ADGRL2: variants seen among roughly 807,000 people sequenced by gnomAD.
ADGRL2 encodes adhesion G protein-coupled receptor L2.
A neutral mutation model predicts 157.4 loss-of-function variants in ADGRL2; 44 were observed. The observed-to-expected ratio is 0.28, with a 90% CI of 0.22 to 0.36. The LOEUF (loss-of-function observed/expected upper bound fraction) is 0.36. ADGRL2 is among the 10% of genes least tolerant of loss of function. The pLI, the probability that ADGRL2 is intolerant of heterozygous loss-of-function variation, is 1.00. For synonymous variants in ADGRL2, 585 were observed against 624.7 expected, an observed-to-expected ratio of 0.94 and a Z score of 0.95; for missense variants, 1,510 against 1,768.9, an observed-to-expected ratio of 0.85 and a Z score of 2.63.
intron 1 of ADGRL2, among the ~76,000 whole-genome samples, chr1:81,313,898 A>C (rs189051867): frequency 6.6e-6 from 1 of 152,178 alleles, no homozygotes; most frequent in African/African-American, 2.4e-5. Context: ...CTCCCAAAAC[A>C]TCTAGTATTG....
chr1:81,541,442 A>G (rs2079881443), intron 2 of ADGRL2, among the ~76,000 whole-genome samples: 1 of 152,140 alleles, frequency 6.6e-6, no homozygotes, highest in Admixed American at 6.5e-5. Context: ...GTATGATAAG[A>G]TCTCACTCAC....
chr1:81,449,087 T>C (rs969218829), intron 2 of ADGRL2, among the ~76,000 whole-genome samples: 164 of 152,304 alleles, frequency 1.1e-3, no homozygotes, highest in African/African-American at 3.8e-3. Flanking sequence ...AAGATGTGGT[T>C]TGAATAATGA....
intron 3 of ADGRL2, among the ~76,000 whole-genome samples, chr1:81,619,248 G>A (rs2081734980): frequency 6.6e-6 from 1 of 151,076 alleles, no homozygotes; most frequent in Non-Finnish European, 1.5e-5. Flanking sequence ...TTTATGGGTG[G>A]AACACCAAAG....
chr1:81,800,423 A>C (rs915207098), upstream of ADGRL2: 2 of 152,020 alleles, frequency 1.3e-5, no homozygotes, highest in East Asian at 1.9e-4. Context: ...TTTCTCCTCC[A>C]TGCAGTTACA....
intron 3 of ADGRL2, among the ~76,000 whole-genome samples, chr1:81,592,600 G>A (rs1443429549): frequency 6.6e-6 from 1 of 152,158 alleles, no homozygotes; most frequent in Admixed American, 6.6e-5. Context: ...ACTAAGAGAA[G>A]GATTCTTATA....
At chr1:81,490,289 G>A (rs901928817) in intron 2 of ADGRL2, among the ~76,000 whole-genome samples, 7 of 152,072 alleles carry the variant, frequency 4.6e-5, no homozygotes, top group African/African-American at 9.7e-5. Flanking sequence ...GCGCCATGAT[G>A]TCTGGCTACT....
chr1:81,434,386 T>G (rs1211093020), intron 1 of ADGRL2, among the ~76,000 whole-genome samples: 2 of 152,186 alleles, frequency 1.3e-5, no homozygotes, highest in Non-Finnish European at 2.9e-5. Context: ...CATCCAACTT[T>G]GCTTGTTTTT....
chr1:81,365,817 A>C (rs577653071), intron 1 of ADGRL2, among the ~76,000 whole-genome samples: 1 of 152,282 alleles, frequency 6.6e-6, no homozygotes, highest in Admixed American at 6.5e-5. Flanking sequence ...CATCTCTTTT[A>C]CTGACTAGCT....
intron 1 of ADGRL2, among the ~76,000 whole-genome samples, chr1:81,709,312 G>C (rs889830964): frequency 2.0e-5 from 3 of 152,102 alleles, no homozygotes; most frequent in Non-Finnish European, 4.4e-5. Context: ...AATAATTAGA[G>C]AGCTTTAGCT....
chr1:81,696,730 C>T (rs987202374), upstream of ADGRL2, among the ~76,000 whole-genome samples: 8 of 151,714 alleles, frequency 5.3e-5, no homozygotes, highest in Admixed American at 1.3e-4. Context: ...CCAGCCTGGG[C>T]GACAGAGCGA....
At chr1:81,502,913 G>C in intron 2 of ADGRL2, 1 of 1,612,906 alleles carries the variant, frequency 6.2e-7, no homozygotes, top group South Asian at 1.1e-5. Flanking sequence ...ACCAATACCA[G>C]TAGCCCTCGA....
intron 2 of ADGRL2, among the ~76,000 whole-genome samples, chr1:81,879,536 A>G (rs910796271): frequency 1.3e-5 from 2 of 151,994 alleles, no homozygotes; most frequent in Admixed American, 6.5e-5. Flanking sequence ...AAAACAACTT[A>G]AAATGCATTT....
chr1:81,952,019 A>G lies in ADGRL2; in HGVS notation c.1671A>G (p.Pro557=), dbSNP rs377371049. The G allele has an allele frequency of 3.2e-5, 52 of 1,613,656 alleles. No homozygotes were observed. The highest frequency in any genetic ancestry group is 5.3e-5 in the African/African-American group (4 of 74,902). The change falls in exon 9 of 24, where the codon CCA becomes CCG. Residue 557 remains proline (P), a synonymous_variant. Coordinates refer to ENST00000686636, the MANE Select transcript of ADGRL2 (RefSeq NM_001366006.2). Reference sequence around the variant, plus strand: ...AACTGGCTAAACATACCAAAGGGCCAGTGTTTGCTGGGGATGTAAGTTCTT... The same window carrying G: ...AACTGGCTAAACATACCAAAGGGCCGGTGTTTGCTGGGGATGTAAGTTCTT... ...ANELAKHTKG[P]VFAGDVSSSV...
intron 2 of ADGRL2, among the ~76,000 whole-genome samples, chr1:81,571,337 A>AAT (rs951687710): frequency 4.1e-5 from 6 of 146,650 alleles, no homozygotes; most frequent in Non-Finnish European, 6.0e-5. Context: ...AACAAATACA[A>AAT]ATATATATAT....
Position 81,616,345 on chromosome 1 carries a change from A to C in ADGRL2, c.-143+35365A>C, listed in dbSNP as rs577283297. 7.2e-5 allele frequency among the ~76,000 whole-genome samples: 11 copies of C among 152,298 alleles called. No individual in the cohort carries two copies. The South Asian group carries it at 2.3e-3, about 32-fold the overall frequency. On this transcript the variant is annotated intron_variant, in intron 3 of 24. Coordinates refer to the ADGRL2 transcript ENST00000370721. ...CACAGGAGCTGCCTAGGTTGCCCTA[A>C]ACAAGAGGCAGGTCTAACCATCTGA...
At chr1:81,611,686 A>C (rs1291669919) in intron 3 of ADGRL2, among the ~76,000 whole-genome samples, 3 of 152,200 alleles carry the variant, frequency 2.0e-5, no homozygotes, top group African/African-American at 7.2e-5. Context: ...CTTTACAAAA[A>C]TTCACTGCAC....
chr1:81,406,361 C>A (rs959494728), intron 1 of ADGRL2, among the ~76,000 whole-genome samples: 1 of 152,160 alleles, frequency 6.6e-6, no homozygotes, highest in Non-Finnish European at 1.5e-5. Context: ...CTACACGGGA[C>A]CATAATGGCA....
At chr1:81,747,128 T>TGTATATATGTATACATATATAC (rs557998231) in intron 1 of ADGRL2, among the ~76,000 whole-genome samples, 9,688 of 143,974 alleles carry the variant, frequency 0.067, 427 homozygotes, top group Middle Eastern at 0.1. Context: ...TGTGTATATA[T>TGTATATATGTATACATATATAC]GTATATATGT....
intron 1 of ADGRL2, among the ~76,000 whole-genome samples, chr1:81,817,084 A>G (rs1215559532): frequency 1.3e-5 from 2 of 151,158 alleles, no homozygotes; most frequent in Non-Finnish European, 3.0e-5. Context: ...AGTAATTTTC[A>G]CCCCTCACAC....
Sources: gnomAD v4.1 joint callset for allele counts (sites outside exome capture counted in the v4.1 genomes callset) on GRCh38, gnomAD v4.1.1 for gene constraint, MANE v1.5 for transcripts, NCBI Gene and HGNC (gene_info 2026-07-23, HGNC 2026-07-21) for gene names.